KLF12: variants seen among roughly 807,000 people sequenced by gnomAD.
KLF12 encodes the protein KLF transcription factor 12.
A neutral mutation model predicts 37.8 loss-of-function variants in KLF12; 9 were observed. The ratio of observed to expected loss-of-function variants is 0.24; its 90% CI spans 0.14 to 0.42. The LOEUF is 0.42. KLF12 is among the 10% of genes least tolerant of loss of function. The pLI is 1.00. For missense variants in KLF12, 411 were observed against 516.0 expected, an observed-to-expected ratio of 0.80 and a Z score of 1.97; for synonymous variants, 208 against 202.1, an observed-to-expected ratio of 1.03 and a Z score of -0.25.
intron 6 of KLF12, among the ~76,000 whole-genome samples, chr13:73,718,177 A>G (rs1341753852): frequency 6.6e-6 from 1 of 152,210 alleles, no homozygotes; most frequent in Non-Finnish European, 1.5e-5. Context: ...CATTGATTTT[A>G]GCTATTTATC....
chr13:73,962,543 G>A (rs1226929181), intron 2 of KLF12, among the ~76,000 whole-genome samples: 1 of 152,146 alleles, frequency 6.6e-6, no homozygotes, highest in Admixed American at 6.6e-5. Flanking sequence ...CTGTCGTGCA[G>A]GATGCTGAAA....
rs1325821079 is a variant in KLF12 at position 73,689,678 on chromosome 13, A to G, written c.*5812T>C. ...TCAACAGACTTTTTGGGGAGAAATG[A>G]TTCTGTCAATATTCATTCCAAAATG... is the stretch of plus-strand genomic sequence containing the variant. On this transcript the variant is annotated 3_prime_UTR_variant, in exon 8 of 8. Transcript: ENST00000377669. The G allele has an allele frequency of 1.3e-5, 2 of 152,166 alleles. No homozygotes were observed. The highest frequency in any genetic ancestry group is 4.8e-5 in the African/African-American group (2 of 41,440). The allele number at this position is 152,166 out of a possible 1,614,324, so 9.4% of individuals were successfully genotyped here.
chr13:73,878,254 A>T (rs1886811479), intron 3 of KLF12, among the ~76,000 whole-genome samples: 1 of 152,136 alleles, frequency 6.6e-6, no homozygotes, highest in South Asian at 2.1e-4. Flanking sequence ...ACAACAGAAA[A>T]CTATATTCTC....
At chr13:74,243,866 G>A in the KLF12 span, among the ~76,000 whole-genome samples, 1 of 152,138 alleles carries the variant, frequency 6.6e-6, no homozygotes, top group African/African-American at 2.4e-5. Context: ...GAGTGTATAG[G>A]CAATGTGGAG....
At chr13:74,170,457 T>C in the KLF12 span, among the ~76,000 whole-genome samples, 1 of 152,312 alleles carries the variant, frequency 6.6e-6, no homozygotes, top group East Asian at 1.9e-4. Context: ...AAATATACTA[T>C]CCTTCCTCAA....
chr13:73,855,524 C>A (rs1004727124), intron 3 of KLF12, among the ~76,000 whole-genome samples: 9 of 152,132 alleles, frequency 5.9e-5, no homozygotes, highest in Non-Finnish European at 8.8e-5. Context: ...GATTCCACGT[C>A]TTTGTTATTG....
intron 1 of KLF12, among the ~76,000 whole-genome samples, chr13:74,130,150 C>T (rs9600235): frequency 0.16 from 24,944 of 152,148 alleles, 2,181 homozygotes; most frequent in African/African-American, 0.21. Flanking sequence ...GGTTATAGGG[C>T]GTTGCCAGTG....
intron 5 of KLF12, among the ~76,000 whole-genome samples, chr13:73,774,300 A>AT (rs1472834538): frequency 2.0e-3 from 305 of 150,032 alleles, no homozygotes; most frequent in Middle Eastern, 0.014. Flanking sequence ...ACACACACAC[A>AT]CATCTATATA....
At chr13:74,273,798 A>C in the KLF12 span, among the ~76,000 whole-genome samples, 6 of 152,120 alleles carry the variant, frequency 3.9e-5, no homozygotes. Context: ...TACAAGGATT[A>C]CATAATGCAT....
At chr13:73,825,436 C>G (rs183108083) in intron 4 of KLF12, among the ~76,000 whole-genome samples, 2 of 152,316 alleles carry the variant, frequency 1.3e-5, no homozygotes, top group East Asian at 3.9e-4. Context: ...ATAGTATACA[C>G]TATAACACCA....
the KLF12 span, among the ~76,000 whole-genome samples, chr13:74,253,362 G>A: frequency 6.6e-6 from 1 of 152,118 alleles, no homozygotes; most frequent in Admixed American, 6.5e-5. Context: ...ATCATATTCT[G>A]AGAAACCTGC....
intron 3 of KLF12, among the ~76,000 whole-genome samples, chr13:73,895,901 ACCTTCGCC>A (rs954775436): frequency 6.6e-6 from 1 of 151,318 alleles, no homozygotes; most frequent in African/African-American, 2.4e-5. Flanking sequence ...GCTCACCGCA[ACCTTCGCC>A]TTCTGGATTC....
chr13:73,760,253 AC>A (rs1879459890), intron 6 of KLF12, among the ~76,000 whole-genome samples: 3 of 152,132 alleles, frequency 2.0e-5, no homozygotes, highest in African/African-American at 7.2e-5. Flanking sequence ...AATAATAGAG[AC>A]TGGTAGTGGC....
intron 6 of KLF12, among the ~76,000 whole-genome samples, chr13:73,720,260 C>T (rs907330272): frequency 7.2e-5 from 11 of 152,130 alleles, no homozygotes; most frequent in Non-Finnish European, 1.2e-4. Flanking sequence ...CTCTGCCTTA[C>T]CTATGCTTTC....
the KLF12 span, among the ~76,000 whole-genome samples, chr13:74,221,040 G>A: frequency 1.4e-5 from 2 of 144,228 alleles, no homozygotes; most frequent in South Asian, 4.4e-4. Context: ...GTCTGGCTCT[G>A]TCGCCCCAGG....
chr13:73,702,193 G>A (rs1874608946), intron 7 of KLF12, among the ~76,000 whole-genome samples: 1 of 152,072 alleles, frequency 6.6e-6, no homozygotes, highest in African/African-American at 2.4e-5. Context: ...ACTCACATCA[G>A]GGTTTTGTTT....
intron 3 of KLF12, among the ~76,000 whole-genome samples, chr13:73,888,881 A>C (rs1279307187): frequency 1.3e-5 from 2 of 152,192 alleles, no homozygotes; most frequent in Non-Finnish European, 2.9e-5. Flanking sequence ...CATTTGGGAA[A>C]GTCACTTAAG....
intron 2 of KLF12, among the ~76,000 whole-genome samples, chr13:73,958,902 C>T (rs1164897123): frequency 6.6e-6 from 1 of 152,030 alleles, no homozygotes; most frequent in African/African-American, 2.4e-5. Flanking sequence ...TCAGGTGTGC[C>T]CCAACTGGAA....
chr13:74,062,186 T>C (rs1345246647), intron 1 of KLF12, among the ~76,000 whole-genome samples: 1 of 152,158 alleles, frequency 6.6e-6, no homozygotes, highest in African/African-American at 2.4e-5. Context: ...CTTTGCTTCA[T>C]TCCTTATTGT....
Sources: gnomAD v4.1 joint callset for allele counts (sites outside exome capture counted in the v4.1 genomes callset) on GRCh38, gnomAD v4.1.1 for gene constraint, MANE v1.5 for transcripts, NCBI Gene and HGNC (gene_info 2026-07-23, HGNC 2026-07-21) for gene names.